GALK2: variants seen among roughly 807,000 people sequenced by gnomAD.
GALK2 encodes galactokinase 2, also known as N-acetylgalactosamine kinase.
A neutral mutation model predicts 52.4 loss-of-function variants in GALK2; 36 were observed. The observed-to-expected ratio is 0.69, with a 90% CI of 0.53 to 0.91. The LOEUF (loss-of-function observed/expected upper bound fraction) is 0.91, where lower values mean the gene tolerates loss of function less well. Among genes scored for constraint, GALK2 ranks in the 40% least tolerant of loss-of-function variants. The pLI is 0.00. For synonymous variants in GALK2, 176 were observed against 199.1 expected, an observed-to-expected ratio of 0.88 and a Z score of 0.98; for missense variants, 579 against 559.1, an observed-to-expected ratio of 1.04 and a Z score of -0.36.
Position 49,159,294 on chromosome 15 carries a change from C to T in GALK2, c.20+3278C>T, listed in dbSNP as rs557886749. Among the ~76,000 whole-genome samples, 110 of 152,102 alleles carry T rather than the reference C, an allele frequency of 7.2e-4. 1 individual carries two copies. The highest frequency in any genetic ancestry group is 9.4e-4 in the Non-Finnish European group (64 of 67,982). ...AATTTTATTCTTTAAAAAATAATTCCGGCTGGCGCGCTGGCTCACGCCTGT... is the reference window on the plus strand; with the variant it reads ...AATTTTATTCTTTAAAAAATAATTCTGGCTGGCGCGCTGGCTCACGCCTGT... On this transcript the variant is annotated intron_variant, in intron 1 of 9. Transcript: ENST00000327171.
At position 49,328,083 on chromosome 15, in the gene GALK2, G is replaced by A; in HGVS notation, c.1301G>A (p.Gly434Glu). ...VHKAYYQRSD[G>E]SLAPEKQSLF... ...AAAGCTTATTACCAGAGGAGTGATGGAAGCTTAGCACCGGAGAAGCAAAGT... is the reference window on the plus strand; with the variant it reads ...AAAGCTTATTACCAGAGGAGTGATGAAAGCTTAGCACCGGAGAAGCAAAGT... Residue 434 changes from glycine to glutamate, a missense_variant, in exon 10 of 10, where the codon GGA becomes GAA. By Grantham distance (98) the Gly-to-Glu change is moderately conservative. Transcript: ENST00000560031. 1 of 1,614,078 alleles carries A rather than the reference G, an allele frequency of 6.2e-7. No homozygotes were observed. Among genetic ancestry groups the A allele is most frequent in the Non-Finnish European group, 8.5e-7 (1 of 1,179,998 alleles).
upstream of GALK2, chr15:49,169,242 T>A (rs1276444691): frequency 6.6e-6 from 1 of 152,114 alleles, no homozygotes; most frequent in African/African-American, 2.4e-5. Context: ...CCCTAGTGTG[T>A]TGGGCATGTT....
At chr15:49,239,128 A>G (rs2090974610) in intron 4 of GALK2, 93 bp from the exon 5 acceptor site, 1 of 1,059,502 alleles carries the variant, frequency 9.4e-7, no homozygotes, top group Admixed American at 1.9e-5. Context: ...AAGTCTATTG[A>G]TAGACTTTTG....
chr15:49,155,905 T>C (rs1207530716), exon 1 of GALK2: 2 of 1,407,388 alleles, frequency 1.4e-6, no homozygotes, highest in Admixed American at 3.5e-5. Context: ...AGGAGCAGTC[T>C]CCTCCCTTGC....
chr15:49,223,897 GGTATATACCC>G (rs2089978108), intron 3 of GALK2, among the ~76,000 whole-genome samples: 1 of 151,578 alleles, frequency 6.6e-6, no homozygotes. Context: ...TTTTCCTATG[GGTATATACCC>G]AGTAATGGGA....
At chr15:49,197,956 G>A (rs1428970730) in intron 1 of GALK2, among the ~76,000 whole-genome samples, 8 of 151,852 alleles carry the variant, frequency 5.3e-5, no homozygotes, top group Non-Finnish European at 8.8e-5. Context: ...GGTGGCTGTT[G>A]AAAAGCACTA....
chr15:49,350,441 A>G (rs1208803298), intron 3 of GALK2, among the ~76,000 whole-genome samples: 2 of 152,130 alleles, frequency 1.3e-5, no homozygotes, highest in South Asian at 2.1e-4. Context: ...TGGGTAATGT[A>G]AAAGTATCAT....
intron 1 of GALK2, chr15:49,177,870 T>G (rs1310564010): frequency 1.5e-5 from 3 of 204,108 alleles, no homozygotes; most frequent in African/African-American, 7.0e-5. Flanking sequence ...AACTCAGGAC[T>G]CTTAGCCGGG....
At chr15:49,188,931 G>A (rs894562828) in intron 1 of GALK2, among the ~76,000 whole-genome samples, 1 of 152,202 alleles carries the variant, frequency 6.6e-6, no homozygotes, top group African/African-American at 2.4e-5. Context: ...AGAAGCACAA[G>A]GAAACAGCAT....
intron 5 of GALK2, among the ~76,000 whole-genome samples, chr15:49,253,380 A>C (rs1464369133): frequency 6.9e-6 from 1 of 144,350 alleles, no homozygotes; most frequent in Non-Finnish European, 1.6e-5. Context: ...TACTCAGAGG[A>C]ACCAAAACTG....
intron 2 of GALK2, among the ~76,000 whole-genome samples, chr15:49,204,005 C>T (rs2088026765): frequency 6.6e-6 from 1 of 151,522 alleles, no homozygotes; most frequent in Non-Finnish European, 1.5e-5. Context: ...ATCCCAGCTA[C>T]GCAGGGGGCT....
At chr15:49,170,581 G>A (rs2085006509) in intron 1 of GALK2, 2 of 562,372 alleles carry the variant, frequency 3.6e-6, no homozygotes, top group Non-Finnish European at 6.3e-6. Flanking sequence ...ACGAAGGGTT[G>A]TATGTTTTTT....
chr15:49,363,312 G>C (rs1036704330), intron 3 of GALK2, among the ~76,000 whole-genome samples: 13 of 152,032 alleles, frequency 8.6e-5, no homozygotes, highest in Admixed American at 7.9e-4. Context: ...GCAATGTTTT[G>C]TAATTCTTGT....
At chr15:49,228,990 C>A (rs1278263544) in intron 3 of GALK2, among the ~76,000 whole-genome samples, 1 of 151,942 alleles carries the variant, frequency 6.6e-6, no homozygotes, top group Non-Finnish European at 1.5e-5. Flanking sequence ...CCACCACACC[C>A]AGCTTCACTG....
chr15:49,162,143 T>TC (rs1440057564), intron 1 of GALK2, among the ~76,000 whole-genome samples: 2 of 152,138 alleles, frequency 1.3e-5, no homozygotes, highest in Admixed American at 6.5e-5. Context: ...ATTTCTCTCC[T>TC]CCCCCCTTAA....
Position 49,353,372 on chromosome 15 carries a change from G to C in GALK2, c.427-14119G>C, listed in dbSNP as rs867015912. 2.6e-5 allele frequency: 4 copies of C among 152,144 alleles called. No homozygotes were observed. In the South Asian group the frequency reaches 8.3e-4, roughly 32 times the overall value. 9.4% of individuals were successfully genotyped at this position (152,144 alleles called of 1,614,324 possible). ...CTGTTTGGGATCACACTGTGTCTCT[G>C]TTTTTCCTCTTTTCAGACAATTAGA... On this transcript the variant is annotated intron_variant, in intron 3 of 3. Transcript: ENST00000558399.
intron 3 of GALK2, among the ~76,000 whole-genome samples, chr15:49,354,555 G>A (rs1002883667): frequency 2.4e-4 from 36 of 152,184 alleles, no homozygotes; most frequent in African/African-American, 7.2e-4. Context: ...AAAAAACGGC[G>A]CACCACGAGA....
intron 2 of GALK2, among the ~76,000 whole-genome samples, chr15:49,213,181 G>C (rs1399740483): frequency 6.6e-6 from 1 of 152,058 alleles, no homozygotes; most frequent in Admixed American, 6.6e-5. Context: ...CCAGCATTGG[G>C]TGCACATATA....
At position 49,329,670 on chromosome 15, in the gene GALK2, T is replaced by A; in HGVS notation, c.*1511T>A. On this transcript the variant is annotated 3_prime_UTR_variant, in exon 10 of 10. Coordinates refer to ENST00000560031, the MANE Select transcript of GALK2 (RefSeq NM_002044.4). ...GCTTGAGTCAAATTTGTTAAAAGAA[T>A]TTTGAGTTCTATAAATCCAAAAATC... 1.0e-6 allele frequency: 1 copy of A among 983,232 alleles called. No homozygotes were observed. Among genetic ancestry groups the A allele is most frequent in the Non-Finnish European group, 1.2e-6 (1 of 827,940 alleles). 60.9% of individuals were successfully genotyped at this position (983,232 alleles called of 1,614,324 possible). A position where few individuals can be genotyped will look rare whatever the true frequency, so the allele number is the denominator to read the frequency against.
Sources: gnomAD v4.1 joint callset for allele counts (sites outside exome capture counted in the v4.1 genomes callset) on GRCh38, gnomAD v4.1.1 for gene constraint, MANE v1.5 for transcripts, NCBI Gene and HGNC (gene_info 2026-07-23, HGNC 2026-07-21) for gene names.